The following CYP24A1 variants were observed in gnomAD, a reference collection of about 807,000 sequenced individuals.
The protein encoded by CYP24A1 is 1,25-dihydroxyvitamin D(3) 24-hydroxylase, mitochondrial.
A neutral mutation model predicts 62.4 loss-of-function variants in CYP24A1; 68 were observed. The observed-to-expected ratio is 1.09, with a 90% CI of 0.90 to 1.33. The LOEUF is 1.33. Ranked by LOEUF, CYP24A1 falls within the 40% of genes most tolerant of loss-of-function variation. CYP24A1 has a pLI of 0.00. For missense variants in CYP24A1, 787 were observed against 653.0 expected (o/e 1.21, Z -2.24); for synonymous variants, 267 against 253.0 (o/e 1.06, Z -0.52).
the CYP24A1 span, among the ~76,000 whole-genome samples, chr20:54,146,361 T>C: frequency 2.0e-5 from 3 of 152,338 alleles, no homozygotes. Flanking sequence ...AACTTCAGAA[T>C]GTTTCTTGAT....
intron 4 of CYP24A1, among the ~76,000 whole-genome samples, chr20:54,167,741 C>T (rs1464789788): frequency 6.6e-6 from 1 of 152,112 alleles, no homozygotes; most frequent in East Asian, 1.9e-4. Flanking sequence ...CCGCTGCACT[C>T]CAGCCTGGGG....
intron 5 of CYP24A1, among the ~76,000 whole-genome samples, chr20:54,165,299 T>C (rs2092667547): frequency 6.6e-6 from 1 of 152,238 alleles, no homozygotes; most frequent in East Asian, 1.9e-4. Context: ...GGAATCTATG[T>C]TCCACACTCC....
At chr20:54,169,742 A>T in intron 3 of CYP24A1, 54 bp from the exon 4 acceptor site, 1 of 1,611,174 alleles carries the variant, frequency 6.2e-7, no homozygotes, top group East Asian at 2.2e-5. Flanking sequence ...AAGGAAAACA[A>T]AACTTTAAAG....
chr20:54,167,992 C>T (rs570352248), intron 4 of CYP24A1, among the ~76,000 whole-genome samples: 37 of 152,298 alleles, frequency 2.4e-4, no homozygotes, highest in African/African-American at 7.2e-4. Flanking sequence ...ATACAGCCCT[C>T]CATGAGCTGG....
chr20:54,153,177 C>A (rs2092615540), downstream of CYP24A1, among the ~76,000 whole-genome samples: 1 of 152,066 alleles, frequency 6.6e-6, no homozygotes, highest in South Asian at 2.1e-4. Context: ...ATCACACAAC[C>A]AGTGTGTGAC....
chr20:54,153,951 C>T lies in CYP24A1; in HGVS notation c.*821G>A, dbSNP rs1253385275. On this transcript the variant is annotated 3_prime_UTR_variant, in exon 12 of 12. Transcript: ENST00000216862. ...CACACTGAATGTTTTTAAGCTGTGA[C>T]TAAACTTTGAAACATTGCCCTGCAC... 6.6e-6 allele frequency: 1 copy of T among 152,110 alleles called. No homozygotes were observed. The highest frequency in any genetic ancestry group is 1.5e-5 in the Non-Finnish European group (1 of 68,020). The allele number at this position is 152,110 out of a possible 1,614,324, so 9.4% of individuals were successfully genotyped here.
chr20:54,173,108 G>T lies in CYP24A1; in HGVS notation c.259-9C>A, dbSNP rs1370494855. 1.2e-6 allele frequency: 2 copies of T among 1,601,562 alleles called. No individual in the cohort carries two copies. Among genetic ancestry groups the T allele is most frequent in the Non-Finnish European group, 8.5e-7 (1 of 1,179,790 alleles). ...TTCTTGTGGTACTCCACCTGCAGCC[G>T]GCCGGGCACAGCGCGGTGTCAGCGC... On this transcript the variant is annotated splice_polypyrimidine_tract_variant and intron_variant, in intron 1 of 11. Transcript: ENST00000216862. This position sits in a 1 kb window ranked among gnomAD's most constrained non-coding sequence, Gnocchi z 7.2.
chr20:54,151,363 G>C (rs960734352), downstream of CYP24A1, among the ~76,000 whole-genome samples: 2 of 152,020 alleles, frequency 1.3e-5, no homozygotes, highest in Non-Finnish European at 2.9e-5. Flanking sequence ...GGGACTGATG[G>C]AGAATCACCA....
chr20:54,173,394 G>A lies in CYP24A1; in HGVS notation c.186C>T (p.Thr62=). Residue 62 remains threonine, a synonymous_variant, in exon 1 of 12, where the codon ACC becomes ACT. Transcript: ENST00000216862. The surrounding 1 kb of genome is among the most constrained non-coding windows in gnomAD (Gnocchi z 7.2). ...TQNAAALPGP[T]SWPLLGSLLQ... Reference sequence around the variant, plus strand: ...GCAGGCTGCCCAGCAGTGGCCAGCTGGTGGGGCCCGGCAGGGCGGCCGCGT... The same window carrying A: ...GCAGGCTGCCCAGCAGTGGCCAGCTAGTGGGGCCCGGCAGGGCGGCCGCGT... The A allele has an allele frequency of 6.3e-7, 1 of 1,588,468 alleles. No individual in the cohort carries two copies. The highest frequency in any genetic ancestry group is 8.6e-7 in the Non-Finnish European group (1 of 1,165,718).
intron 7 of CYP24A1, 107 bp from the exon 8 acceptor site, chr20:54,159,230 G>A (rs2092641130): frequency 3.4e-6 from 3 of 885,346 alleles, no homozygotes; most frequent in Non-Finnish European, 5.7e-6. Context: ...AAATGTATCA[G>A]TGAAGCTCTT....
intron 11 of CYP24A1, among the ~76,000 whole-genome samples, chr20:54,156,535 A>C (rs982470994): frequency 3.3e-5 from 5 of 152,238 alleles, no homozygotes; most frequent in Admixed American, 3.3e-4. Flanking sequence ...AAATTCTGCC[A>C]ACAACCAAAC....
intron 5 of CYP24A1, 53 bp from the exon 6 acceptor site, chr20:54,164,616 A>T (rs1046447948): frequency 1.2e-6 from 2 of 1,613,338 alleles, no homozygotes; most frequent in Admixed American, 3.3e-5. Flanking sequence ...TCTCAAAGAC[A>T]ATGTTCGTTC....
rs1203969406 is a variant in CYP24A1, at chr20:54,157,493, C to T, written c.1329G>A (p.Glu443=). Residue 443 remains glutamate, a synonymous_variant, in exon 10 of 12, where the codon GAG becomes GAA. Transcript: ENST00000216862. Reference sequence around the variant, plus strand: ...GCGCAAAAGGATTAATTTTTTCCTTCTCCTGAAGCCAACGTTCAGGTCTAA... The same window carrying T: ...GCGCAAAAGGATTAATTTTTTCCTTTTCCTGAAGCCAACGTTCAGGTCTAA... ...SQFRPERWLQ[E]KEKINPFAHL... 1.9e-6 allele frequency: 3 copies of T among 1,597,912 alleles called. No homozygotes were observed. In the African/African-American group the frequency reaches 4.0e-5, roughly 21 times the overall value.
At chr20:54,168,677 T>C (rs781636922) in intron 4 of CYP24A1, among the ~76,000 whole-genome samples, 1 of 152,062 alleles carries the variant, frequency 6.6e-6, no homozygotes, top group Non-Finnish European at 1.5e-5. Flanking sequence ...TTTCTTTCTC[T>C]CTCTCTCTTT....
At chr20:54,145,522 C>G in the CYP24A1 span, among the ~76,000 whole-genome samples, 1 of 151,822 alleles carries the variant, frequency 6.6e-6, no homozygotes, top group African/African-American at 2.4e-5. Flanking sequence ...CACCTGTAAT[C>G]CCAGCTACTT....
rs1391157531 is a variant in CYP24A1, at chr20:54,153,883, CA to C, written c.*888del. The C allele has an allele frequency of 1.3e-5, 2 of 152,496 alleles. No homozygotes were observed. Among genetic ancestry groups the C allele is most frequent in the Non-Finnish European group, 2.9e-5 (2 of 68,008 alleles). The allele number at this position is 152,496 out of a possible 1,614,324, so 9.4% of individuals were successfully genotyped here. A position where few individuals can be genotyped will look rare whatever the true frequency, so the allele number is the denominator to read the frequency against. ...CTTTACACTTGTCCCATTTAATAGACAGAAAAATTATGGCATGGGAAATCAT... is the reference window on the plus strand; with the variant it reads ...CTTTACACTTGTCCCATTTAATAGACGAAAAATTATGGCATGGGAAATCAT... On this transcript the variant is annotated 3_prime_UTR_variant, in exon 12 of 12. Transcript: ENST00000216862.
chr20:54,165,502 T>G (rs1568971020), intron 5 of CYP24A1, among the ~76,000 whole-genome samples: 1 of 151,928 alleles, frequency 6.6e-6, no homozygotes, highest in Non-Finnish European at 1.5e-5. Flanking sequence ...CCCACCACCC[T>G]GCCCTGTCCA....
At chr20:54,171,996 G>T (rs969854491) in intron 2 of CYP24A1, 1 of 397,232 alleles carries the variant, frequency 2.5e-6, no homozygotes, top group South Asian at 2.2e-5. Context: ...AATTCCTAGC[G>T]GTAAAAGGGG....
intron 8 of CYP24A1, 101 bp from the exon 9 acceptor site, chr20:54,158,265 G>A: frequency 3.8e-6 from 6 of 1,568,942 alleles, no homozygotes; most frequent in Non-Finnish European, 5.2e-6. Context: ...CTGCCCAAGT[G>A]CATACTCAAA....
Sources: gnomAD v4.1 joint callset for allele counts (sites outside exome capture counted in the v4.1 genomes callset) on GRCh38, gnomAD v4.1.1 for gene constraint, Gnocchi (gnomAD v3.1) non-coding constraint, MANE v1.5 for transcripts, NCBI Gene and HGNC (gene_info 2026-07-23, HGNC 2026-07-21) for gene names.